Variants in SOX6 observed in about 807,000 individuals in gnomAD.
SOX6 encodes SRY-box transcription factor 6.
Under a neutral mutation model 97.8 loss-of-function variants are expected in SOX6, and 11 were observed. The ratio of observed to expected loss-of-function variants is 0.11; its 90% CI spans 0.07 to 0.19. The LOEUF (loss-of-function observed/expected upper bound fraction) is 0.19. Ranked by LOEUF, SOX6 falls within the 10% of genes least tolerant of loss-of-function variation. SOX6 has a pLI of 1.00. For missense variants in SOX6, 810 were observed against 1,039.5 expected (o/e 0.78, Z 3.04); for synonymous variants, 360 against 371.4 (o/e 0.97, Z 0.35).
intron 1 of SOX6, among the ~76,000 whole-genome samples, chr11:16,364,820 T>C (rs577640698): frequency 1.3e-5 from 2 of 152,232 alleles, no homozygotes; most frequent in South Asian, 4.1e-4. Context: ...TATCAAAACT[T>C]TGGAGTCAGA....
chr11:16,160,120 G>T (rs139197640), intron 6 of SOX6, among the ~76,000 whole-genome samples: 93 of 152,252 alleles, frequency 6.1e-4, no homozygotes, highest in Non-Finnish European at 1.2e-3. Flanking sequence ...ATAGGTTTAC[G>T]GTTTAAGGTA....
intron 4 of SOX6, among the ~76,000 whole-genome samples, chr11:16,499,416 A>G (rs1035328946): frequency 9.2e-5 from 14 of 152,186 alleles, no homozygotes; most frequent in African/African-American, 3.4e-4. Context: ...AGCAAGAGAA[A>G]ACACATTCAA....
chr11:16,323,636 T>C (rs1181075923), intron 2 of SOX6, among the ~76,000 whole-genome samples: 1 of 152,144 alleles, frequency 6.6e-6, no homozygotes, highest in Non-Finnish European at 1.5e-5. Flanking sequence ...CTGACTATAC[T>C]GGACCTCACT....
At chr11:16,624,762 T>C (rs1376686803) in intron 3 of SOX6, among the ~76,000 whole-genome samples, 1 of 152,220 alleles carries the variant, frequency 6.6e-6, no homozygotes, top group African/African-American at 2.4e-5. Flanking sequence ...AGAATTTCAA[T>C]TGCCTCGCAT....
At chr11:16,635,005 T>A (rs1848763521) in intron 3 of SOX6, among the ~76,000 whole-genome samples, 1 of 152,204 alleles carries the variant, frequency 6.6e-6, no homozygotes, top group Non-Finnish European at 1.5e-5. Context: ...TGATTGTTAG[T>A]TTCCTGAGGC....
At chr11:16,640,857 A>C (rs1381582516) in intron 3 of SOX6, among the ~76,000 whole-genome samples, 1 of 152,142 alleles carries the variant, frequency 6.6e-6, no homozygotes, top group Non-Finnish European at 1.5e-5. Flanking sequence ...TTTTCAAAAA[A>C]TCAGCTCCTG....
chr11:16,179,983 G>T (rs1348323301), intron 6 of SOX6, among the ~76,000 whole-genome samples: 1 of 151,700 alleles, frequency 6.6e-6, no homozygotes, highest in Non-Finnish European at 1.5e-5. Flanking sequence ...CTCAGTTCTA[G>T]TTGCAAAATT....
intron 6 of SOX6, among the ~76,000 whole-genome samples, chr11:16,176,956 G>C (rs1851203909): frequency 6.6e-6 from 1 of 151,740 alleles, no homozygotes; most frequent in African/African-American, 2.4e-5. Flanking sequence ...TAAAGGCTTT[G>C]GACTAGATTA....
intron 4 of SOX6, among the ~76,000 whole-genome samples, chr11:16,486,188 G>A (rs940720435): frequency 6.6e-5 from 10 of 151,864 alleles, no homozygotes; most frequent in African/African-American, 1.7e-4. Flanking sequence ...GTATTTTGAC[G>A]TCTTCACTAC....
rs755674991 is a variant in SOX6 at position 16,588,950 on chromosome 11, A to C, written n.609+23131T>G. On this transcript the variant is annotated intron_variant and non_coding_transcript_variant, in intron 4 of 5. Transcript: ENST00000524520. ...TGAGGCAGGAGGATCACTTGAGCCC[A>C]GGAGTTTGAGGCTGAGTGAGCTATG... Among the ~76,000 whole-genome samples, 42 of 152,188 alleles carry C rather than the reference A, an allele frequency of 2.8e-4. 1 individual carries two copies. Among genetic ancestry groups the C allele is most frequent in the Non-Finnish European group, 5.0e-4 (34 of 68,024 alleles).
At chr11:16,034,180 A>G (rs1855457462) in intron 12 of SOX6, among the ~76,000 whole-genome samples, 1 of 152,176 alleles carries the variant, frequency 6.6e-6, no homozygotes, top group Non-Finnish European at 1.5e-5. Flanking sequence ...GTTGACTCTC[A>G]ATATGGGAAG....
chr11:15,996,092 A>G (rs150581388), intron 13 of SOX6, among the ~76,000 whole-genome samples: 71 of 152,276 alleles, frequency 4.7e-4, no homozygotes, highest in African/African-American at 1.6e-3. Context: ...TAAACAGCTA[A>G]TTGTCTAATG....
At chr11:16,385,293 G>C (rs1441188991) in intron 1 of SOX6, among the ~76,000 whole-genome samples, 1 of 152,002 alleles carries the variant, frequency 6.6e-6, no homozygotes, top group Non-Finnish European at 1.5e-5. Flanking sequence ...TGTCACTTTA[G>C]CTGACTCAGC....
chr11:16,511,596 T>C (rs2133151743), intron 4 of SOX6, among the ~76,000 whole-genome samples: 1 of 152,268 alleles, frequency 6.6e-6, no homozygotes, highest in Middle Eastern at 3.4e-3. Context: ...AAAGCAGATG[T>C]TGCCCCTTGC....
intron 2 of SOX6, among the ~76,000 whole-genome samples, chr11:16,333,968 C>T (rs1856385771): frequency 6.6e-6 from 1 of 151,976 alleles, no homozygotes; most frequent in African/African-American, 2.4e-5. Flanking sequence ...AAAACTGAGG[C>T]AAATTAGGAG....
chr11:15,972,927 G>A lies in SOX6; in HGVS notation c.2369C>T (p.Ala790Val). ...YGMKTDGGSL[A>V]GNEMINGEDE... ...CTCTCCATTGATCATTTCATTTCCA[G>A]CTAGGCTTCCGCCATCTGTCTTCAT... is the stretch of plus-strand genomic sequence containing the variant. Residue 790 changes from alanine to valine, a missense_variant, in exon 16 of 16, where the codon GCT (alanine) becomes GTT (valine). Transcript: ENST00000683767. The A allele has an allele frequency of 6.2e-7, 1 of 1,614,174 alleles. No homozygotes were observed. Among genetic ancestry groups the A allele is most frequent in the Non-Finnish European group, 8.5e-7 (1 of 1,180,024 alleles).
chr11:16,508,143 A>T (rs148606535), intron 4 of SOX6, among the ~76,000 whole-genome samples: 1 of 152,346 alleles, frequency 6.6e-6, no homozygotes, highest in East Asian at 1.9e-4. Context: ...ACATGAAAAA[A>T]TGTTCAACAT....
At chr11:16,679,952 G>C (rs1377605298) in intron 3 of SOX6, among the ~76,000 whole-genome samples, 1 of 152,090 alleles carries the variant, frequency 6.6e-6, no homozygotes, top group African/African-American at 2.4e-5. Flanking sequence ...AAGAAATATG[G>C]GACTATCTGA....
At chr11:16,093,246 T>C (rs1437066723) in intron 9 of SOX6, among the ~76,000 whole-genome samples, 1 of 151,988 alleles carries the variant, frequency 6.6e-6, no homozygotes, top group Non-Finnish European at 1.5e-5. Context: ...CATGCCTGCA[T>C]CTGCTGAACT....
Sources: allele counts gnomAD v4.1 joint callset (sites outside exome capture counted in the v4.1 genomes callset), GRCh38; gene constraint gnomAD v4.1.1; transcripts MANE v1.5; gene names NCBI Gene and HGNC (gene_info 2026-07-23, HGNC 2026-07-21).